The following FANCC variants were observed in gnomAD, a reference collection of about 807,000 sequenced individuals.
FANCC encodes Fanconi anemia group C protein.
In FANCC, 55 loss-of-function variants were observed where a neutral mutation model predicts 71.3. The ratio of observed to expected loss-of-function variants is 0.77; its 90% confidence interval spans 0.62 to 0.97. The LOEUF (loss-of-function observed/expected upper bound fraction) is 0.97. Ranked by LOEUF, FANCC falls within the 50% of genes least tolerant of loss-of-function variation. FANCC has a pLI of 0.00. For synonymous variants in FANCC, 275 were observed against 244.9 expected (o/e 1.12, Z -1.15); for missense variants, 678 against 670.9 (o/e 1.01, Z -0.12).
intron 8 of FANCC, among the ~76,000 whole-genome samples, chr9:95,134,577 C>T (rs950016944): frequency 6.6e-6 from 1 of 152,244 alleles, no homozygotes; most frequent in Non-Finnish European, 1.5e-5. Flanking sequence ...CACTGGAGCT[C>T]CTGGAAGACA....
intron 1 of FANCC, among the ~76,000 whole-genome samples, chr9:95,305,060 T>C (rs1045126229): frequency 2.0e-5 from 3 of 152,200 alleles, no homozygotes; most frequent in African/African-American, 7.2e-5. Flanking sequence ...TGAGGATCGC[T>C]TACAAACAGT....
chr9:95,103,549 G>A (rs922539675), intron 14 of FANCC, among the ~76,000 whole-genome samples: 2 of 152,186 alleles, frequency 1.3e-5, no homozygotes, highest in Non-Finnish European at 2.9e-5. Flanking sequence ...GCTCTGTGCC[G>A]GCCTCCTGCA....
intron 1 of FANCC, among the ~76,000 whole-genome samples, chr9:95,291,738 A>G (rs950141799): frequency 7.2e-5 from 11 of 151,874 alleles, no homozygotes; most frequent in African/African-American, 2.2e-4. Context: ...ACCTGAGGTC[A>G]GGAGTGCGAG....
intron 1 of FANCC, among the ~76,000 whole-genome samples, chr9:95,291,977 T>A (rs1332525525): frequency 3.6e-4 from 47 of 128,850 alleles, no homozygotes; most frequent in East Asian, 3.2e-3. Flanking sequence ...AATATATATA[T>A]ATATATATAT....
At chr9:95,215,985 T>C (rs956456390) in intron 4 of FANCC, among the ~76,000 whole-genome samples, 1 of 152,244 alleles carries the variant, frequency 6.6e-6, no homozygotes, top group Non-Finnish European at 1.5e-5. Flanking sequence ...GCAACTATTA[T>C]TAAAGATTTA....
In FANCC at chr9:95,108,344, G is replaced by GT. The variant is rs3216732; in HGVS notation, c.1330-1076dup. 3.1e-3 allele frequency among the ~76,000 whole-genome samples: 466 copies of GT among 152,358 alleles called. 10 individuals are homozygous for GT. The South Asian group carries it at 0.044, about 14-fold the overall frequency. On this transcript the variant is annotated intron_variant, in intron 13 of 14. Transcript: ENST00000289081. ...CCCCTCAGCCGGCCCAGCCTGCCGG[G>GT]TCTGATGGTGTCTACGGGAGCCCAA...
At chr9:95,259,855 C>A (rs183952018) in intron 1 of FANCC, among the ~76,000 whole-genome samples, 3,496 of 152,184 alleles carry the variant, frequency 0.023, 144 homozygotes, top group African/African-American at 0.08. Flanking sequence ...GAGAAAAAAA[C>A]AACCCCATCA....
chr9:95,220,399 T>C (rs1449341364), intron 4 of FANCC, among the ~76,000 whole-genome samples: 1 of 152,196 alleles, frequency 6.6e-6, no homozygotes, highest in East Asian at 1.9e-4. Flanking sequence ...AATCATGCTG[T>C]TATAAAGACA....
chr9:95,276,886 GA>G (rs1209137005), intron 1 of FANCC, among the ~76,000 whole-genome samples: 1 of 152,176 alleles, frequency 6.6e-6, no homozygotes, highest in Admixed American at 6.5e-5. Flanking sequence ...TCTACTCTGA[GA>G]TAACTTTGCT....
chr9:95,235,887 G>A (rs529793292), intron 4 of FANCC, among the ~76,000 whole-genome samples: 2 of 144,338 alleles, frequency 1.4e-5, no homozygotes, highest in Non-Finnish European at 3.0e-5. Flanking sequence ...AGGGGCACAT[G>A]GGGGGCAGGG....
intron 1 of FANCC, chr9:95,294,903 T>C: frequency 1.7e-6 from 2 of 1,166,794 alleles, no homozygotes; most frequent in Non-Finnish European, 2.3e-6. Flanking sequence ...TTCGATTGAA[T>C]GTGGCTGATG....
intron 6 of FANCC, among the ~76,000 whole-genome samples, chr9:95,163,486 A>T (rs1830871911): frequency 6.6e-6 from 1 of 152,242 alleles, no homozygotes; most frequent in Non-Finnish European, 1.5e-5. Flanking sequence ...GAAAAACCAA[A>T]CGCCACTGAC....
At chr9:95,291,588 C>A (rs1033241334) in intron 1 of FANCC, among the ~76,000 whole-genome samples, 1 of 151,866 alleles carries the variant, frequency 6.6e-6, no homozygotes, top group Non-Finnish European at 1.5e-5. Context: ...TGAAGACACA[C>A]AAAAAATGGG....
At chr9:95,164,078 T>C (rs1374417449) in intron 6 of FANCC, among the ~76,000 whole-genome samples, 1 of 152,250 alleles carries the variant, frequency 6.6e-6, no homozygotes, top group Admixed American at 6.5e-5. Flanking sequence ...TTCTTATTAA[T>C]GTATAGCAAT....
In FANCC at chr9:95,100,667, G is replaced by A. The variant is rs2071042478; in HGVS notation, c.*1040C>T. On this transcript the variant is annotated 3_prime_UTR_variant, in exon 15 of 15. Transcript: ENST00000289081. ...TTTTTTTAAGAGATGGTCTCGCTCT[G>A]TTGCCCAGGCTGGAGTGCAGTGTCA... The A allele has an allele frequency of 4.4e-6, 1 of 229,176 alleles. No individual in the cohort carries two copies. The highest frequency in any genetic ancestry group is 5.7e-5 in the Admixed American group (1 of 17,612). The allele number at this position is 229,176 out of a possible 1,614,324, so 14.2% of individuals were successfully genotyped here.
chr9:95,146,708 G>A (rs756117129), intron 7 of FANCC, among the ~76,000 whole-genome samples: 4 of 151,866 alleles, frequency 2.6e-5, no homozygotes, highest in Non-Finnish European at 2.9e-5. Flanking sequence ...TGGATTCACA[G>A]TGTTTTCAAA....
At chr9:95,157,233 T>C (rs185015595) in intron 6 of FANCC, among the ~76,000 whole-genome samples, 6 of 152,306 alleles carry the variant, frequency 3.9e-5, no homozygotes, top group East Asian at 1.9e-4. Context: ...TCAGAAAATA[T>C]AGAAATTGAT....
chr9:95,238,473 A>C (rs1169801644), intron 4 of FANCC, among the ~76,000 whole-genome samples: 1 of 152,010 alleles, frequency 6.6e-6, no homozygotes, highest in East Asian at 1.9e-4. Flanking sequence ...TCCAACGTCT[A>C]TCCTTGCCCT....
intron 4 of FANCC, among the ~76,000 whole-genome samples, chr9:95,227,456 C>T (rs2135969690): frequency 6.6e-6 from 1 of 152,282 alleles, no homozygotes; most frequent in East Asian, 1.9e-4. Context: ...TGTCCAATTG[C>T]CTGCCTCTGG....
Sources: allele counts gnomAD v4.1 joint callset (sites outside exome capture counted in the v4.1 genomes callset), GRCh38; gene constraint gnomAD v4.1.1; transcripts MANE v1.5; gene names NCBI Gene and HGNC (gene_info 2026-07-23, HGNC 2026-07-21).